The following SPOCK3 variants were observed in gnomAD, a reference collection of about 807,000 sequenced individuals.
The protein encoded by SPOCK3 is SPARC (osteonectin), cwcv and kazal like domains proteoglycan 3.
Under a neutral mutation model 56.6 loss-of-function variants are expected in SPOCK3, and 30 were observed. The ratio of observed to expected loss-of-function variants is 0.53; its 90% confidence interval spans 0.40 to 0.72. The LOEUF (loss-of-function observed/expected upper bound fraction) is 0.72. Ranked by LOEUF, SPOCK3 falls within the 30% of genes least tolerant of loss-of-function variation. The pLI, the probability that SPOCK3 is intolerant of heterozygous loss-of-function variation, is 0.00. For missense variants in SPOCK3, 527 were observed against 530.0 expected (o/e 0.99, Z 0.06); for synonymous variants, 196 against 183.3 (o/e 1.07, Z -0.56).
chr4:166,883,496 G>C (rs1482110936), intron 6 of SPOCK3, among the ~76,000 whole-genome samples: 2 of 152,118 alleles, frequency 1.3e-5, no homozygotes, highest in African/African-American at 4.8e-5. Flanking sequence ...TTTATGTTGT[G>C]GTTGTTGAAT....
At chr4:167,056,657 A>C (rs545154056) in intron 3 of SPOCK3, among the ~76,000 whole-genome samples, 4 of 152,196 alleles carry the variant, frequency 2.6e-5, no homozygotes, top group Non-Finnish European at 5.9e-5. Flanking sequence ...CTCAGGAGCC[A>C]ATGCGATCAA....
intron 2 of SPOCK3, among the ~76,000 whole-genome samples, chr4:167,223,704 C>G (rs1167759202): frequency 6.6e-6 from 1 of 151,998 alleles, no homozygotes; most frequent in East Asian, 1.9e-4. Context: ...AATCCCAGCA[C>G]TTGAGGAGGC....
At chr4:166,948,666 T>C (rs1742094801) in intron 4 of SPOCK3, among the ~76,000 whole-genome samples, 3 of 152,210 alleles carry the variant, frequency 2.0e-5, no homozygotes, top group Admixed American at 2.0e-4. Flanking sequence ...TATGTCTTCT[T>C]TTAAGAAATA....
At chr4:166,983,203 C>T (rs1232396456) in intron 4 of SPOCK3, among the ~76,000 whole-genome samples, 1 of 152,022 alleles carries the variant, frequency 6.6e-6, no homozygotes, top group African/African-American at 2.4e-5. Flanking sequence ...TTAATCTTGC[C>T]AGTTTTTGCT....
chr4:167,026,048 CCATGGCTATGA>C (rs1428151830), intron 3 of SPOCK3, among the ~76,000 whole-genome samples: 1 of 152,072 alleles, frequency 6.6e-6, no homozygotes, highest in African/African-American at 2.4e-5. Flanking sequence ...TGCCACGTTA[CCATGGCTATGA>C]CATCACTAGG....
intron 5 of SPOCK3, among the ~76,000 whole-genome samples, chr4:166,902,220 CTTTTTGT>C (rs1174443911): frequency 6.6e-6 from 1 of 152,068 alleles, no homozygotes; most frequent in East Asian, 1.9e-4. Context: ...TGCTGAGATG[CTTTTTGT>C]TGGTATAATG....
intron 4 of SPOCK3, among the ~76,000 whole-genome samples, chr4:166,997,977 A>C (rs1748565068): frequency 6.6e-6 from 1 of 152,140 alleles, no homozygotes; most frequent in Non-Finnish European, 1.5e-5. Flanking sequence ...CCACATCCCC[A>C]AAATACACAC....
At chr4:166,903,867 G>A (rs899506564) in intron 5 of SPOCK3, among the ~76,000 whole-genome samples, 4 of 151,964 alleles carry the variant, frequency 2.6e-5, no homozygotes, top group Admixed American at 6.6e-5. Flanking sequence ...CAGTGTGATT[G>A]TGGGAAGAAT....
At chr4:167,075,841 T>C (rs1024619762) in intron 2 of SPOCK3, among the ~76,000 whole-genome samples, 2 of 151,826 alleles carry the variant, frequency 1.3e-5, no homozygotes, top group Non-Finnish European at 2.9e-5. Context: ...TGAATTAGGA[T>C]ATATATGTGT....
At chr4:167,205,179 TTATA>T (rs1733933938) in intron 2 of SPOCK3, among the ~76,000 whole-genome samples, 1 of 109,970 alleles carries the variant, frequency 9.1e-6, no homozygotes, top group South Asian at 2.4e-4. Context: ...ATATTATATA[TTATA>T]GATATTTTAT....
rs1053896456 is a variant in SPOCK3, at chr4:166,895,372, A to G, written c.475-6128T>C. On this transcript the variant is annotated intron_variant, in intron 5 of 10. Coordinates refer to ENST00000357545, the MANE Select transcript of SPOCK3 (RefSeq NM_001040159.2). ...GTCATGAGTATAGCATTTCAGAAGA[A>G]ATTAACTATACAGATATAAATGAGA... is the stretch of plus-strand genomic sequence containing the variant. Among the ~76,000 whole-genome samples, 4 of 152,248 alleles carry G rather than the reference A, an allele frequency of 2.6e-5. No individual in the cohort carries two copies. In the South Asian group the frequency reaches 6.2e-4, roughly 24 times the overall value.
intron 6 of SPOCK3, among the ~76,000 whole-genome samples, chr4:166,796,406 T>C (rs896066438): frequency 6.6e-6 from 1 of 152,140 alleles, no homozygotes; most frequent in African/African-American, 2.4e-5. Flanking sequence ...AGAGTCCGCA[T>C]TTTATTGTGC....
intron 10 of SPOCK3, among the ~76,000 whole-genome samples, chr4:166,737,229 G>T (rs188511172): frequency 1.2e-4 from 18 of 152,212 alleles, no homozygotes; most frequent in African/African-American, 4.3e-4. Context: ...AAGTAGGAAA[G>T]GAACTCAGCT....
At chr4:166,770,208 G>C (rs182293098) in intron 7 of SPOCK3, among the ~76,000 whole-genome samples, 1 of 152,054 alleles carries the variant, frequency 6.6e-6, no homozygotes, top group East Asian at 1.9e-4. Context: ...CCCACTGTCC[G>C]ATAAGCCCCA....
intron 2 of SPOCK3, among the ~76,000 whole-genome samples, chr4:167,090,205 C>T (rs939150849): frequency 1.3e-5 from 2 of 152,116 alleles, no homozygotes; most frequent in Admixed American, 1.3e-4. Flanking sequence ...CAAATTGCTT[C>T]CCAAATTGGT....
At position 167,108,990 on chromosome 4, in the gene SPOCK3, A is replaced by AC. The variant is rs1379343764; in HGVS notation, c.190-46454_190-46453insG. 1.3e-4 allele frequency among the ~76,000 whole-genome samples: 3 copies of AC among 23,716 alleles called. 1 individual carries two copies. Among genetic ancestry groups the AC allele is most frequent in the Non-Finnish European group, 2.1e-4 (3 of 14,180 alleles). The allele number at this position is 23,716 out of a possible 152,430, so 15.6% of individuals were successfully genotyped here. A position where few individuals can be genotyped will look rare whatever the true frequency, so the allele number is the denominator to read the frequency against. Reference sequence around the variant, plus strand: ...AAATATATAAATATTATAAATATATATTTATATATATATAAATATATACTT... The same window carrying AC: ...AAATATATAAATATTATAAATATATACTTTATATATATATAAATATATACTT... On this transcript the variant is annotated intron_variant, in intron 2 of 10. Transcript: ENST00000357545.
intron 2 of SPOCK3, among the ~76,000 whole-genome samples, chr4:167,202,600 C>T (rs935812528): frequency 2.6e-5 from 4 of 151,956 alleles, no homozygotes; most frequent in Non-Finnish European, 4.4e-5. Flanking sequence ...TGTTATAATT[C>T]TCCCTCTGAT....
intron 2 of SPOCK3, among the ~76,000 whole-genome samples, chr4:167,202,983 A>G (rs964308425): frequency 3.3e-5 from 5 of 151,836 alleles, no homozygotes; most frequent in African/African-American, 1.2e-4. Flanking sequence ...TAAAATAATA[A>G]TCATGTTCTT....
intron 4 of SPOCK3, among the ~76,000 whole-genome samples, chr4:166,940,608 T>C (rs1236665510): frequency 1.3e-5 from 2 of 151,500 alleles, no homozygotes; most frequent in Non-Finnish European, 2.9e-5. Context: ...CTCATTGTAA[T>C]AATAAAAAAC....
Sources: gnomAD v4.1 joint callset for allele counts (sites outside exome capture counted in the v4.1 genomes callset) on GRCh38, gnomAD v4.1.1 for gene constraint, MANE v1.5 for transcripts, NCBI Gene and HGNC (gene_info 2026-07-23, HGNC 2026-07-21) for gene names.